The following RAB18 variants were observed in gnomAD, a reference collection of about 807,000 sequenced individuals.
RAB18 encodes the protein ras-related protein Rab-18.
A neutral mutation model predicts 28.5 loss-of-function variants in RAB18; 10 were observed. That is an observed-to-expected ratio of 0.35 (90% confidence interval 0.22 to 0.60). The LOEUF (loss-of-function observed/expected upper bound fraction) is 0.60. Among genes scored for constraint, RAB18 ranks in the 20% least tolerant of loss-of-function variants. RAB18 has a pLI of 0.78. For synonymous variants in RAB18, 93 were observed against 86.9 expected (o/e 1.07, Z -0.39); for missense variants, 188 against 244.2 (o/e 0.77, Z 1.53).
In RAB18 at chr10:27,538,245, C is replaced by A. The variant is rs1396435189; in HGVS notation, c.*194C>A. 1.3e-6 allele frequency: 1 copy of A among 749,250 alleles called. No homozygotes were observed. 46.4% of individuals were successfully genotyped at this position (749,250 alleles called of 1,614,324 possible). ...ATGGTAAGCATGCACAGTTTGCAGT[C>A]TACAGTTTTTTTATGTAGCACAAAA... On this transcript the variant is annotated 3_prime_UTR_variant, in exon 7 of 7. Coordinates refer to ENST00000356940, the MANE Select transcript of RAB18 (RefSeq NM_021252.5).
chr10:27,526,686 T>A (rs1415865074), intron 2 of RAB18, 142 bp from the exon 3 acceptor site: 1 of 963,134 alleles, frequency 1.0e-6, no homozygotes, highest in East Asian at 2.4e-5. Context: ...ACACTTTTTA[T>A]CTCCACATCC....
At chr10:27,531,721 G>C (rs1834792222) in intron 3 of RAB18, 1 of 622,454 alleles carries the variant, frequency 1.6e-6, no homozygotes, top group South Asian at 1.9e-5. Flanking sequence ...CATAGTCCAA[G>C]GATGGTAGAA....
At chr10:27,509,655 A>G (rs1003369679) in intron 1 of RAB18, among the ~76,000 whole-genome samples, 6 of 152,146 alleles carry the variant, frequency 3.9e-5, no homozygotes, top group Admixed American at 2.6e-4. Flanking sequence ...CGGGGAATAT[A>G]TTTCATAGTA....
rs1389443060 is a variant in RAB18, at chr10:27,539,956, G to A, written c.*1905G>A. On this transcript the variant is annotated 3_prime_UTR_variant, in exon 7 of 7. Coordinates refer to ENST00000356940, the MANE Select transcript of RAB18 (RefSeq NM_021252.5). ...TTTGTTGCAAGCTTAGTGTTTTGTAGTGGAGGTTTTGTAAATGAAACAGTT... is the reference window on the plus strand; with the variant it reads ...TTTGTTGCAAGCTTAGTGTTTTGTAATGGAGGTTTTGTAAATGAAACAGTT... 5 of 453,338 alleles carry A rather than the reference G, an allele frequency of 1.1e-5. No homozygotes were observed. The highest frequency in any genetic ancestry group is 3.1e-5 in the South Asian group (2 of 64,276). The allele number at this position is 453,338 out of a possible 1,614,324, so 28.1% of individuals were successfully genotyped here. A position where few individuals can be genotyped will look rare whatever the true frequency, so the allele number is the denominator to read the frequency against.
rs904709137 is a variant in RAB18 at position 27,505,177 on chromosome 10, G to T, written c.68+740G>T. 4 of 530,232 alleles carry T rather than the reference G, an allele frequency of 7.5e-6. No homozygotes were observed. In the Admixed American group the frequency reaches 7.8e-5, roughly 10 times the overall value. 32.8% of individuals were successfully genotyped at this position (530,232 alleles called of 1,614,324 possible). ...CTTGGGGAAAATAATATTGACAGTG[G>T]AGTTGAGTATAAGGTAAGACATGGA... On this transcript the variant is annotated intron_variant, in intron 1 of 6. Coordinates refer to ENST00000356940, the MANE Select transcript of RAB18 (RefSeq NM_021252.5).
chr10:27,504,671 C>T (rs574440123), intron 1 of RAB18: 6 of 734,682 alleles, frequency 8.2e-6, no homozygotes, highest in Non-Finnish European at 1.5e-5. Flanking sequence ...GGGTCGCTCT[C>T]CCTCCTGTAG....
chr10:27,530,092 C>G (rs12253290), intron 3 of RAB18, among the ~76,000 whole-genome samples: 5,569 of 152,000 alleles, frequency 0.037, 316 homozygotes, highest in African/African-American at 0.13. Context: ...AAGTTGATCT[C>G]AATGAAGACC....
At chr10:27,512,812 T>G (rs1834349264) in intron 2 of RAB18, among the ~76,000 whole-genome samples, 1 of 151,988 alleles carries the variant, frequency 6.6e-6, no homozygotes, top group African/African-American at 2.4e-5. Flanking sequence ...CCAAATGGAA[T>G]TTGGGGACTT....
In RAB18 at chr10:27,507,741, A is replaced by G. The variant is rs759216108; in HGVS notation, c.69-2134A>G. 3.9e-5 allele frequency among the ~76,000 whole-genome samples: 6 copies of G among 152,032 alleles called. No individual in the cohort carries two copies. In the East Asian group the frequency reaches 5.8e-4, roughly 15 times the overall value. ...TATGAGGGTGTAAATATACAATACT[A>G]TAAGAATGGTGCTTCTGCCAGGTGC... is the stretch of plus-strand genomic sequence containing the variant. On this transcript the variant is annotated intron_variant, in intron 1 of 6. Transcript: ENST00000356940.
At chr10:27,510,359 A>G (rs564380947) in intron 2 of RAB18, 2 of 227,146 alleles carry the variant, frequency 8.8e-6, no homozygotes, top group Non-Finnish European at 1.8e-5. Flanking sequence ...TATGTTCAGC[A>G]TTTGCTACAG....
intron 3 of RAB18, among the ~76,000 whole-genome samples, chr10:27,530,331 A>G (rs2132403223): frequency 6.6e-6 from 1 of 152,046 alleles, no homozygotes; most frequent in African/African-American, 2.4e-5. Flanking sequence ...AATTCACTGT[A>G]TAGAAAAATA....
At chr10:27,515,746 T>TG (rs1365730397) in intron 2 of RAB18, among the ~76,000 whole-genome samples, 9 of 151,974 alleles carry the variant, frequency 5.9e-5, no homozygotes, top group Admixed American at 1.3e-4. Flanking sequence ...AAAAAAAAAT[T>TG]TTTTTTCATG....
chr10:27,514,534 A>G (rs1481859675), intron 2 of RAB18, among the ~76,000 whole-genome samples: 1 of 152,180 alleles, frequency 6.6e-6, no homozygotes, highest in Non-Finnish European at 1.5e-5. Context: ...GGAAAATACA[A>G]TAAGAGACAG....
chr10:27,524,587 A>G (rs1292890581), intron 2 of RAB18, among the ~76,000 whole-genome samples: 1 of 152,242 alleles, frequency 6.6e-6, no homozygotes, highest in Non-Finnish European at 1.5e-5. Flanking sequence ...TAAAGATCAT[A>G]TTAAAAATGC....
intron 6 of RAB18, among the ~76,000 whole-genome samples, chr10:27,534,907 C>T (rs1427381651): frequency 6.6e-6 from 1 of 152,172 alleles, no homozygotes; most frequent in Non-Finnish European, 1.5e-5. Flanking sequence ...TGCTGTATGT[C>T]CCTCATTTCC....
At chr10:27,534,849 T>A (rs1834860766) in intron 6 of RAB18, among the ~76,000 whole-genome samples, 1 of 152,180 alleles carries the variant, frequency 6.6e-6, no homozygotes, top group South Asian at 2.1e-4. Context: ...CAGAATGGAA[T>A]TAGTGGAAAG....
rs763327938 is a variant in RAB18, at chr10:27,504,675, C to T, written c.68+238C>T. 59 of 731,548 alleles carry T rather than the reference C, an allele frequency of 8.1e-5. No individual in the cohort carries two copies. The Admixed American group carries it at 1.0e-3, about 12-fold the overall frequency. The allele number at this position is 731,548 out of a possible 1,614,324, so 45.3% of individuals were successfully genotyped here. On this transcript the variant is annotated intron_variant, in intron 1 of 6. Transcript: ENST00000356940. ...CCAAGTTCTCTGGGTCGCTCTCCCT[C>T]CTGTAGCGCCGAGAAAACACCATTC...
At chr10:27,524,048 C>T (rs1834623803) in intron 2 of RAB18, among the ~76,000 whole-genome samples, 1 of 151,778 alleles carries the variant, frequency 6.6e-6, no homozygotes, top group South Asian at 2.1e-4. Context: ...CCACTGCACT[C>T]CAGCCTGGCC....
At chr10:27,523,775 G>T (rs1396765021) in intron 2 of RAB18, among the ~76,000 whole-genome samples, 1 of 151,922 alleles carries the variant, frequency 6.6e-6, no homozygotes, top group Non-Finnish European at 1.5e-5. Context: ...ACCATGCCTG[G>T]CTAATTTTAA....
Sources: allele counts gnomAD v4.1 joint callset (sites outside exome capture counted in the v4.1 genomes callset), GRCh38; gene constraint gnomAD v4.1.1; transcripts MANE v1.5; gene names NCBI Gene and HGNC (gene_info 2026-07-23, HGNC 2026-07-21).